Variants in RELN observed in about 807,000 individuals in gnomAD.
RELN encodes the protein reelin.
A neutral mutation model predicts 427.6 loss-of-function variants in RELN; 108 were observed. That is an observed-to-expected ratio of 0.25 (90% CI 0.22 to 0.30). RELN has a LOEUF of 0.30. Ranked by LOEUF, RELN falls within the 10% of genes least tolerant of loss-of-function variation. RELN has a pLI of 1.00. For synonymous variants in RELN, 1,524 were observed against 1,513.4 expected (o/e 1.01, Z -0.16); for missense variants, 3,715 against 4,302.8 (o/e 0.86, Z 3.82).
chr7:103,842,056 A>G lies in RELN; in HGVS notation c.338-8384T>C, dbSNP rs1487736713. 2.0e-5 allele frequency among the ~76,000 whole-genome samples: 3 copies of G among 152,320 alleles called. No individual in the cohort carries two copies. The East Asian group carries it at 5.8e-4, about 29-fold the overall frequency. Reference sequence around the variant, plus strand: ...CATATATAAAAATGATACAATTGTAAAAGAAATATTTTATTATTTCAAACA... The same window carrying G: ...CATATATAAAAATGATACAATTGTAGAAGAAATATTTTATTATTTCAAACA... On this transcript the variant is annotated intron_variant, in intron 2 of 64. Coordinates refer to ENST00000428762, the MANE Select transcript of RELN (RefSeq NM_005045.4).
intron 12 of RELN, among the ~76,000 whole-genome samples, chr7:103,658,349 A>G (rs546091815): frequency 3.3e-5 from 5 of 152,214 alleles, no homozygotes; most frequent in East Asian, 1.9e-4. Flanking sequence ...TGATTTTCCT[A>G]AGGTACTGTA....
At chr7:103,768,992 A>C (rs1387308968) in intron 4 of RELN, among the ~76,000 whole-genome samples, 1 of 152,212 alleles carries the variant, frequency 6.6e-6, no homozygotes, top group Non-Finnish European at 1.5e-5. Flanking sequence ...TACAAAACAG[A>C]GATACATTTT....
intron 50 of RELN, chr7:103,512,765 A>T (rs1330991556): frequency 6.6e-6 from 1 of 152,224 alleles, no homozygotes; most frequent in East Asian, 1.9e-4. Context: ...CTTTGATTTT[A>T]TAGGTCCAAT....
At chr7:103,850,500 C>T (rs999185887) in intron 2 of RELN, among the ~76,000 whole-genome samples, 1 of 152,054 alleles carries the variant, frequency 6.6e-6, no homozygotes, top group African/African-American at 2.4e-5. Flanking sequence ...AGGGATCCAT[C>T]GAGAGGGTAG....
intron 3 of RELN, among the ~76,000 whole-genome samples, chr7:103,797,222 CCTCCCGAG>C (rs1247739752): frequency 1.8e-4 from 28 of 152,144 alleles, no homozygotes; most frequent in African/African-American, 6.8e-4. Context: ...CCTGCCTCAG[CCTCCCGAG>C]TAGCTGGGAT....
At chr7:103,973,552 G>C (rs1796807716) in intron 1 of RELN, among the ~76,000 whole-genome samples, 1 of 151,764 alleles carries the variant, frequency 6.6e-6, no homozygotes, top group African/African-American at 2.4e-5. Context: ...CCACAACTTA[G>C]GGAAAAGAAT....
At chr7:103,985,456 T>C (rs935967186) in intron 1 of RELN, among the ~76,000 whole-genome samples, 1 of 152,200 alleles carries the variant, frequency 6.6e-6, no homozygotes, top group African/African-American at 2.4e-5. Flanking sequence ...ACGCTTGTCT[T>C]TCATGCACAA....
intron 6 of RELN, among the ~76,000 whole-genome samples, chr7:103,739,230 G>A (rs949324306): frequency 1.3e-5 from 2 of 152,146 alleles, no homozygotes; most frequent in East Asian, 3.9e-4. Flanking sequence ...TTATATTATA[G>A]TGCAATAATT....
intron 2 of RELN, among the ~76,000 whole-genome samples, chr7:103,847,748 C>T (rs1434137585): frequency 2.6e-5 from 4 of 152,142 alleles, no homozygotes; most frequent in African/African-American, 9.7e-5. Flanking sequence ...TACTCTCCTA[C>T]ATGGCTTGTA....
At chr7:103,587,769 A>G (rs1831310859) in intron 28 of RELN, among the ~76,000 whole-genome samples, 3 of 152,204 alleles carry the variant, frequency 2.0e-5, no homozygotes, top group Admixed American at 1.3e-4. Flanking sequence ...GAAAAGGTAT[A>G]TGAAAAAATG....
intron 17 of RELN, 90 bp from the exon 18 acceptor site, chr7:103,636,558 T>C (rs1584364793): frequency 5.0e-5 from 42 of 831,816 alleles, no homozygotes; most frequent in East Asian, 5.0e-4. Context: ...GTCCAGAGAC[T>C]AGGATTTGAT....
rs1328696809 is a variant in RELN at position 103,773,098 on chromosome 7, T to TC, written c.544+3458dup. Among the ~76,000 whole-genome samples the TC allele has an allele frequency of 3.3e-3, 473 of 143,892 alleles. 4 individuals carry two copies. Among genetic ancestry groups the TC allele is most frequent in the African/African-American group, 0.011 (440 of 38,876 alleles). The allele number at this position is 143,892 out of a possible 152,430, so 94.4% of individuals were successfully genotyped here. The stretch of plus-strand genomic sequence containing the variant: ...GGAAGGAGGAGATAGATGGTTCTCC[T>TC]CTTTTCTTTCTTTCTTTCTTTCTTT... On this transcript the variant is annotated intron_variant, in intron 4 of 64. Transcript: ENST00000428762.
intron 1 of RELN, among the ~76,000 whole-genome samples, chr7:103,935,317 T>A (rs1584381528): frequency 1.3e-5 from 2 of 152,300 alleles, no homozygotes; most frequent in Middle Eastern, 3.4e-3. Context: ...CTCACTAACG[T>A]CACTAATGAC....
At chr7:103,827,283 T>C (rs550477401) in intron 3 of RELN, among the ~76,000 whole-genome samples, 1 of 151,736 alleles carries the variant, frequency 6.6e-6, no homozygotes, top group East Asian at 1.9e-4. Context: ...TCCAGAAGAG[T>C]CCCCTAATAT....
In RELN at chr7:103,609,279, A is replaced by G. The variant is rs185781653; in HGVS notation, c.3008+1416T>C. ...AGTATTTTACCATCATAATTTTGAA[A>G]GTGTGCTTCACATGTCAATGAGTAA... On this transcript the variant is annotated intron_variant, in intron 22 of 64. Coordinates refer to ENST00000428762, the MANE Select transcript of RELN (RefSeq NM_005045.4). 2.6e-5 allele frequency among the ~76,000 whole-genome samples: 4 copies of G among 152,116 alleles called. No individual in the cohort carries two copies. In the East Asian group the frequency reaches 7.7e-4, roughly 29 times the overall value.
rs1321260688 is a variant in RELN, at chr7:103,603,585, T to G, written c.3147-95A>C. On this transcript the variant is annotated intron_variant, in intron 23 of 64. Coordinates refer to ENST00000428762, the MANE Select transcript of RELN (RefSeq NM_005045.4). This position sits in a 1 kb window ranked among gnomAD's most constrained non-coding sequence, Gnocchi z 4.3. ...ACCATTTCCCATGTCTTACTTTTGC[T>G]CAGGTCTTATCATTCACACTAGATT... 1 of 921,012 alleles carries G rather than the reference T, an allele frequency of 1.1e-6. No individual in the cohort carries two copies. The highest frequency in any genetic ancestry group is 2.5e-5 in the East Asian group (1 of 40,702). The allele number at this position is 921,012 out of a possible 1,614,324, so 57.1% of individuals were successfully genotyped here.
rs1295595776 is a variant in RELN, at chr7:103,774,554, T to C, written c.544+2003A>G. Reference sequence around the variant, plus strand: ...AATGGAAAGGCACTGTGCTGTGGTATATGGTGACTGCAATTGTTTTTCCTC... The same window carrying C: ...AATGGAAAGGCACTGTGCTGTGGTACATGGTGACTGCAATTGTTTTTCCTC... On this transcript the variant is annotated intron_variant, in intron 4 of 64. Coordinates refer to ENST00000428762, the MANE Select transcript of RELN (RefSeq NM_005045.4). Among the ~76,000 whole-genome samples the C allele has an allele frequency of 2.6e-5, 4 of 152,282 alleles. No individual in the cohort carries two copies. In the East Asian group the frequency reaches 7.7e-4, roughly 29 times the overall value.
chr7:103,824,675 T>TGTGTGTGTGTGTGTGTGTGTG lies in RELN; in HGVS notation c.473+8861_473+8862insCACACACACACACACACACAC, dbSNP rs1584270696. Among the ~76,000 whole-genome samples, 1 of 145,578 alleles carries TGTGTGTGTGTGTGTGTGTGTG rather than the reference T, an allele frequency of 6.9e-6. No individual in the cohort carries two copies. Among genetic ancestry groups the TGTGTGTGTGTGTGTGTGTGTG allele is most frequent in the Admixed American group, 6.9e-5 (1 of 14,448 alleles). On this transcript the variant is annotated intron_variant, in intron 3 of 64. Transcript: ENST00000428762. This position sits in a 1 kb window ranked among gnomAD's most constrained non-coding sequence, Gnocchi z 4.4. ...GTGTGTGTGTGTGTGTGTGTGTGTG[T>TGTGTGTGTGTGTGTGTGTGTG]TTGCTTCATTTTAGCTAGAGTTGCT...
At chr7:103,741,406 G>GT (rs1790651472) in intron 6 of RELN, among the ~76,000 whole-genome samples, 1 of 151,720 alleles carries the variant, frequency 6.6e-6, no homozygotes, top group African/African-American at 2.4e-5. Flanking sequence ...TTTGGCATTT[G>GT]TTTTTTATGA....
Sources: gnomAD v4.1 joint callset for allele counts (sites outside exome capture counted in the v4.1 genomes callset) on GRCh38, gnomAD v4.1.1 for gene constraint, Gnocchi (gnomAD v3.1) non-coding constraint, MANE v1.5 for transcripts, NCBI Gene and HGNC (gene_info 2026-07-23, HGNC 2026-07-21) for gene names.